Variants in MCTP2 observed in about 807,000 individuals in gnomAD.
The protein encoded by MCTP2 is multiple C2 and transmembrane domain containing 2, also known as multiple C2 and transmembrane domain-containing protein 2.
MCTP2 carries 132 observed loss-of-function variants against 111.6 expected under a neutral mutation model. The observed-to-expected ratio is 1.18, with a 90% CI of 1.03 to 1.37. The LOEUF (loss-of-function observed/expected upper bound fraction) is 1.37. MCTP2 is among the 40% of genes most tolerant of loss of function. MCTP2 has a pLI of 0.00. For missense variants in MCTP2, 1,183 were observed against 1,067.9 expected (o/e 1.11, Z -1.50); for synonymous variants, 395 against 387.7 (o/e 1.02, Z -0.22).
intron 22 of MCTP2, among the ~76,000 whole-genome samples, chr15:94,478,321 A>G (rs1188111697): frequency 6.6e-6 from 1 of 152,226 alleles, no homozygotes; most frequent in Non-Finnish European, 1.5e-5. Flanking sequence ...GCAAAAGAAC[A>G]TTCCAGGAAG....
chr15:94,465,690 G>A (rs540474777), intron 20 of MCTP2, among the ~76,000 whole-genome samples: 6 of 152,168 alleles, frequency 3.9e-5, no homozygotes, highest in African/African-American at 1.4e-4. Context: ...AATCCCTGCA[G>A]AATTAATGAT....
intron 4 of MCTP2, among the ~76,000 whole-genome samples, chr15:94,334,690 C>A (rs1290241794): frequency 6.6e-6 from 1 of 151,988 alleles, no homozygotes; most frequent in Non-Finnish European, 1.5e-5. Context: ...CACATGCAAC[C>A]ACAACCAGCT....
At chr15:94,392,874 T>A (rs1018217889) in intron 14 of MCTP2, among the ~76,000 whole-genome samples, 1 of 151,972 alleles carries the variant, frequency 6.6e-6, no homozygotes, top group Non-Finnish European at 1.5e-5. Flanking sequence ...AAAATAGAGC[T>A]ATTCCCTCTA....
intron 17 of MCTP2, among the ~76,000 whole-genome samples, chr15:94,420,133 C>T (rs1482439724): frequency 2.0e-5 from 3 of 152,084 alleles, no homozygotes; most frequent in African/African-American, 7.2e-5. Flanking sequence ...AACAACAAAG[C>T]TTGGATGAGA....
chr15:94,446,939 A>T (rs539131152), intron 19 of MCTP2, among the ~76,000 whole-genome samples: 1 of 152,362 alleles, frequency 6.6e-6, no homozygotes, highest in East Asian at 1.9e-4. Context: ...AATAAGAAAC[A>T]TCTAATCCAT....
At chr15:94,404,125 C>T (rs1322982461) in intron 17 of MCTP2, among the ~76,000 whole-genome samples, 5 of 152,206 alleles carry the variant, frequency 3.3e-5, no homozygotes, top group Middle Eastern at 6.8e-3. Context: ...GCAGCCATAA[C>T]GTGGTGGATA....
At chr15:94,350,842 G>C (rs1365805134) in intron 8 of MCTP2, among the ~76,000 whole-genome samples, 1 of 152,046 alleles carries the variant, frequency 6.6e-6, no homozygotes, top group Admixed American at 6.5e-5. Context: ...AAATCTTGTT[G>C]AATCACATGG....
intron 4 of MCTP2, among the ~76,000 whole-genome samples, chr15:94,331,787 C>T (rs971429978): frequency 5.9e-5 from 9 of 152,212 alleles, no homozygotes; most frequent in Middle Eastern, 3.4e-3. Flanking sequence ...AAATGTTATA[C>T]ATGGCAGGTC....
chr15:94,350,304 G>A (rs546063698), intron 8 of MCTP2, among the ~76,000 whole-genome samples: 42 of 152,272 alleles, frequency 2.8e-4, no homozygotes, highest in African/African-American at 9.9e-4. Context: ...AATGGCATCC[G>A]GGGCTGGGCA....
intron 1 of MCTP2, among the ~76,000 whole-genome samples, chr15:94,293,588 C>T (rs957492147): frequency 6.6e-6 from 1 of 152,200 alleles, no homozygotes; most frequent in Non-Finnish European, 1.5e-5. Flanking sequence ...TCCTACACCT[C>T]GGTGCCCAGC....
intron 17 of MCTP2, among the ~76,000 whole-genome samples, chr15:94,416,183 A>C (rs1034186193): frequency 6.6e-6 from 1 of 152,092 alleles, no homozygotes; most frequent in African/African-American, 2.4e-5. Flanking sequence ...ATATTTACGT[A>C]GCTTCCGAAA....
intron 1 of MCTP2, among the ~76,000 whole-genome samples, chr15:94,261,658 C>T (rs77465116): frequency 0.049 from 7,389 of 152,250 alleles, 217 homozygotes; most frequent in Non-Finnish European, 0.057. Context: ...GAAAACCAGG[C>T]ATATGTAGTT....
At chr15:94,269,574 T>C (rs941351629) in intron 1 of MCTP2, among the ~76,000 whole-genome samples, 3 of 152,192 alleles carry the variant, frequency 2.0e-5, no homozygotes, top group Non-Finnish European at 4.4e-5. Context: ...ACAGAGCAGC[T>C]TTTATAAGGG....
chr15:94,452,422 T>C (rs960104717), intron 19 of MCTP2, among the ~76,000 whole-genome samples: 2 of 152,212 alleles, frequency 1.3e-5, no homozygotes, highest in Non-Finnish European at 2.9e-5. Flanking sequence ...ACAAAAGCCA[T>C]CAAGCTTGAG....
At chr15:94,382,624 A>G (rs373466671) in intron 12 of MCTP2, among the ~76,000 whole-genome samples, 22 of 152,352 alleles carry the variant, frequency 1.4e-4, no homozygotes, top group African/African-American at 5.3e-4. Context: ...GATGTGCTGT[A>G]CCTCAGAGCG....
intron 12 of MCTP2, among the ~76,000 whole-genome samples, chr15:94,382,333 T>C (rs968675144): frequency 2.0e-5 from 3 of 152,280 alleles, no homozygotes; most frequent in Admixed American, 1.3e-4. Context: ...TTTTAATAAA[T>C]TTCTTTTCCG....
intron 12 of MCTP2, among the ~76,000 whole-genome samples, chr15:94,378,369 AAAAT>A (rs2079898651): frequency 6.6e-6 from 1 of 151,888 alleles, no homozygotes; most frequent in Non-Finnish European, 1.5e-5. Flanking sequence ...CAAAAAAAAA[AAAAT>A]TAACCAGGTA....
intron 4 of MCTP2, among the ~76,000 whole-genome samples, chr15:94,332,330 A>G (rs8041758): frequency 0.037 from 5,652 of 152,256 alleles, 311 homozygotes; most frequent in African/African-American, 0.13. Context: ...AAAGAAGCTC[A>G]GGGCTGATTC....
chr15:94,444,325 CA>C (rs1435356087), intron 19 of MCTP2, among the ~76,000 whole-genome samples: 1 of 152,220 alleles, frequency 6.6e-6, no homozygotes, highest in Admixed American at 6.5e-5. Flanking sequence ...CAGAAGCTTC[CA>C]GAAACGGTAT....
Sources: allele counts gnomAD v4.1 joint callset (sites outside exome capture counted in the v4.1 genomes callset), GRCh38; gene constraint gnomAD v4.1.1; transcripts MANE v1.5; gene names NCBI Gene and HGNC (gene_info 2026-07-23, HGNC 2026-07-21).